The following MCC variants were observed in gnomAD, a reference collection of about 807,000 sequenced individuals.
MCC encodes colorectal mutant cancer protein.
A neutral mutation model predicts 116.2 loss-of-function variants in MCC; 90 were observed. The observed-to-expected ratio is 0.77, with a 90% CI of 0.65 to 0.92. The LOEUF is 0.92. Ranked by LOEUF, MCC falls within the 40% of genes least tolerant of loss-of-function variation. The probability of loss-of-function intolerance (pLI) is 0.00; values close to 1 mark genes in which losing one functional copy is unlikely to be tolerated. For synonymous variants in MCC, 578 were observed against 510.5 expected, an observed-to-expected ratio of 1.13 and a Z score of -1.78; for missense variants, 1,516 against 1,312.2, an observed-to-expected ratio of 1.16 and a Z score of -2.40.
intron 1 of MCC, among the ~76,000 whole-genome samples, chr5:113,410,723 A>G (rs1373210674): frequency 5.9e-5 from 9 of 152,178 alleles, no homozygotes; most frequent in African/African-American, 1.7e-4. Flanking sequence ...CGTCATTTAC[A>G]TTAGGTGTTT....
In MCC at chr5:113,121,085, C is replaced by T. The variant is rs113306330; in HGVS notation, c.1027+1599G>A. Among the ~76,000 whole-genome samples the T allele has an allele frequency of 6.6e-3, 1,005 of 152,318 alleles. 15 individuals carry two copies. The highest frequency in any genetic ancestry group is 0.023 in the African/African-American group (957 of 41,584). On this transcript the variant is annotated intron_variant, in intron 6 of 18. Coordinates refer to ENST00000408903, the MANE Select transcript of MCC (RefSeq NM_001085377.2). The stretch of plus-strand genomic sequence containing the variant: ...GGCATACACACCCCCCACCTTCAAT[C>T]GGTTTCCAATCCTTCAGCAAATCTT...
intron 3 of MCC, among the ~76,000 whole-genome samples, chr5:113,331,946 T>C (rs2150375073): frequency 6.6e-6 from 1 of 151,738 alleles, no homozygotes; most frequent in South Asian, 2.1e-4. Context: ...TATGATCTGG[T>C]ATTTCCAAGT....
At chr5:113,403,382 T>C (rs1769746343) in intron 1 of MCC, among the ~76,000 whole-genome samples, 1 of 152,228 alleles carries the variant, frequency 6.6e-6, no homozygotes, top group Non-Finnish European at 1.5e-5. Context: ...ATTTAAAATA[T>C]ACCTAAGTTA....
intron 1 of MCC, among the ~76,000 whole-genome samples, chr5:113,473,923 G>A (rs1772162610): frequency 6.6e-6 from 1 of 152,098 alleles, no homozygotes; most frequent in Admixed American, 6.6e-5. Context: ...CTGAAAAGCT[G>A]ACAGAAAAAA....
Position 113,026,870 on chromosome 5 carries a change from T to C in MCC, c.*432A>G, listed in dbSNP as rs1463737062. 6.3e-6 allele frequency: 1 copy of C among 157,992 alleles called. No homozygotes were observed. Among genetic ancestry groups the C allele is most frequent in the Admixed American group, 6.4e-5 (1 of 15,716 alleles). The allele number at this position is 157,992 out of a possible 1,614,324, so 9.8% of individuals were successfully genotyped here. ...AGGCACACACAGGTCTGTTTTCCCA[T>C]GAAGCAGGAGGAAAGAGGAGAAACG... On this transcript the variant is annotated 3_prime_UTR_variant, in exon 19 of 19. Transcript: ENST00000408903.
chr5:113,298,454 A>G (rs1766766091), intron 3 of MCC, among the ~76,000 whole-genome samples: 1 of 152,226 alleles, frequency 6.6e-6, no homozygotes, highest in Non-Finnish European at 1.5e-5. Context: ...GAGTGAGGAG[A>G]AACTGGGGGT....
intron 6 of MCC, among the ~76,000 whole-genome samples, 191 bp downstream of exon 6, chr5:113,122,493 C>G (rs890749889): frequency 1.3e-5 from 2 of 152,230 alleles, no homozygotes; most frequent in African/African-American, 4.8e-5. Context: ...ACAATTGTAT[C>G]AGAGCAGAAA....
At chr5:113,159,980 A>G (rs1469589832) in intron 3 of MCC, among the ~76,000 whole-genome samples, 1 of 152,240 alleles carries the variant, frequency 6.6e-6, no homozygotes, top group Non-Finnish European at 1.5e-5. Flanking sequence ...CTTTTACCTG[A>G]TAATTTCATT....
At chr5:113,270,684 AATAAG>A (rs2150352836) in intron 3 of MCC, among the ~76,000 whole-genome samples, 1 of 148,216 alleles carries the variant, frequency 6.7e-6, no homozygotes, top group South Asian at 2.2e-4. Flanking sequence ...TGAAGCAAAG[AATAAG>A]ATAACTTTTC....
intron 3 of MCC, among the ~76,000 whole-genome samples, chr5:113,218,118 T>TG (rs550970242): frequency 0.52 from 28,100 of 53,894 alleles, 5,644 homozygotes; most frequent in African/African-American, 0.65. Flanking sequence ...GGTGGGAAAC[T>TG]GGGGGGAGTA....
chr5:113,441,947 A>G (rs904804571), intron 1 of MCC, among the ~76,000 whole-genome samples: 3 of 152,218 alleles, frequency 2.0e-5, no homozygotes, highest in African/African-American at 7.2e-5. Flanking sequence ...TAGTGCTGCA[A>G]TAAACATACA....
At chr5:113,043,905 CATGCCAT>C (rs960003022) in intron 16 of MCC, among the ~76,000 whole-genome samples, 1 of 152,248 alleles carries the variant, frequency 6.6e-6, no homozygotes, top group Non-Finnish European at 1.5e-5. Flanking sequence ...CTGGTCTAAG[CATGCCAT>C]ATGCATTCAA....
chr5:113,165,305 C>T (rs988593632), intron 3 of MCC, among the ~76,000 whole-genome samples: 21 of 152,322 alleles, frequency 1.4e-4, no homozygotes, highest in African/African-American at 4.8e-4. Flanking sequence ...ACTAGTAATT[C>T]GGACAGGTAT....
At chr5:113,181,611 T>TG (rs1360712606) in intron 3 of MCC, among the ~76,000 whole-genome samples, 2 of 152,214 alleles carry the variant, frequency 1.3e-5, no homozygotes, top group African/African-American at 4.8e-5. Context: ...TCTGCTTCTC[T>TG]GGGTTTGTTT....
At chr5:113,342,304 T>C (rs114130172) in intron 2 of MCC, among the ~76,000 whole-genome samples, 1,589 of 152,348 alleles carry the variant, frequency 0.01, 19 homozygotes, top group Non-Finnish European at 0.017. Flanking sequence ...TAAACATGTA[T>C]GTGCAAGTAT....
chr5:113,353,472 CTCTT>C (rs1448287599), intron 2 of MCC, among the ~76,000 whole-genome samples: 3 of 152,194 alleles, frequency 2.0e-5, no homozygotes, highest in Non-Finnish European at 2.9e-5. Flanking sequence ...TTAAACCTCT[CTCTT>C]TATGGTCTCT....
At chr5:113,240,728 A>T (rs961705885) in intron 3 of MCC, among the ~76,000 whole-genome samples, 10 of 152,210 alleles carry the variant, frequency 6.6e-5, no homozygotes, top group Admixed American at 2.0e-4. Flanking sequence ...TGGGCCATTT[A>T]AATCACCCAG....
intron 1 of MCC, among the ~76,000 whole-genome samples, chr5:113,484,949 T>G (rs1772476002): frequency 6.6e-6 from 1 of 152,242 alleles, no homozygotes; most frequent in East Asian, 1.9e-4. Flanking sequence ...GGTCTCACTC[T>G]GCTGCCCAAA....
At chr5:113,091,811 G>A (rs910753038) in intron 8 of MCC, among the ~76,000 whole-genome samples, 6 of 152,040 alleles carry the variant, frequency 3.9e-5, no homozygotes, top group Non-Finnish European at 8.8e-5. Context: ...CTTGAGCCTG[G>A]CAGGTCAAGG....
Sources: allele counts gnomAD v4.1 joint callset (sites outside exome capture counted in the v4.1 genomes callset), GRCh38; gene constraint gnomAD v4.1.1; transcripts MANE v1.5; gene names NCBI Gene and HGNC (gene_info 2026-07-23, HGNC 2026-07-21).